The following URB1 variants were observed in gnomAD, a reference collection of about 807,000 sequenced individuals.
The protein encoded by URB1 is nucleolar pre-ribosomal-associated protein 1.
A neutral mutation model predicts 242.3 loss-of-function variants in URB1; 197 were observed. The observed-to-expected ratio is 0.81, with a 90% CI of 0.72 to 0.91. The LOEUF (loss-of-function observed/expected upper bound fraction) is 0.91, where lower values mean the gene tolerates loss of function less well. URB1 is among the 40% of genes least tolerant of loss of function. The pLI is 0.00. For missense variants in URB1, 2,721 were observed against 2,860.5 expected, an observed-to-expected ratio of 0.95 and a Z score of 1.11; for synonymous variants, 1,153 against 1,201.8, an observed-to-expected ratio of 0.96 and a Z score of 0.84.
chr21:32,352,930 G>A, intron 18 of URB1, 24 bp from the exon 19 acceptor site: 1 of 1,518,192 alleles, frequency 6.6e-7, no homozygotes, highest in Non-Finnish European at 8.9e-7. Flanking sequence ...AGATGCATAT[G>A]GGAAGAGGCT....
At position 32,360,992 on chromosome 21, in the gene URB1, G is replaced by A. The variant is rs2033276334; in HGVS notation, c.1756+15C>T. 2.6e-6 allele frequency: 4 copies of A among 1,527,484 alleles called. No homozygotes were observed. In the South Asian group the frequency reaches 5.0e-5, roughly 19 times the overall value. The allele number at this position is 1,527,484 out of a possible 1,614,324, so 94.6% of individuals were successfully genotyped here. A position where few individuals can be genotyped will look rare whatever the true frequency, so the allele number is the denominator to read the frequency against. Reference sequence around the variant, plus strand: ...AGCAACAGTGGCGGCTTGTCTGCAAGACCTTGAAACCCACCTTTCAGGAGC... The same window carrying A: ...AGCAACAGTGGCGGCTTGTCTGCAAAACCTTGAAACCCACCTTTCAGGAGC... On this transcript the variant is annotated intron_variant, in intron 13 of 38. Transcript: ENST00000382751.
chr21:32,337,259 C>T, intron 27 of URB1, 102 bp from the exon 28 acceptor site: 1 of 1,380,832 alleles, frequency 7.2e-7, no homozygotes, highest in Non-Finnish European at 1.0e-6. Context: ...ATGGCCCGGT[C>T]CTCATATCTT....
intron 37 of URB1, among the ~76,000 whole-genome samples, 166 bp downstream of exon 37, chr21:32,317,510 C>CA (rs933204822): frequency 1.7e-4 from 26 of 152,322 alleles, no homozygotes; most frequent in Admixed American, 9.1e-4. Context: ...GGCTGAAACT[C>CA]AAAGGCTGCC....
intron 7 of URB1, among the ~76,000 whole-genome samples, chr21:32,372,980 T>A (rs1479286190): frequency 6.6e-6 from 1 of 152,180 alleles, no homozygotes; most frequent in African/African-American, 2.4e-5. Flanking sequence ...CAAGAGGACC[T>A]GGGCAAGTCT....
chr21:32,372,623 G>A lies in URB1; in HGVS notation c.885C>T (p.Ala295=), dbSNP rs775313960. 1.0e-5 allele frequency: 16 copies of A among 1,548,978 alleles called. No individual in the cohort carries two copies. In the South Asian group the frequency reaches 1.2e-4, roughly 12 times the overall value. ...DVNPENVKVS[A]EEAGKTMVRE... Reference sequence around the variant, plus strand: ...GCACCATGGTTTTCCCTGCTTCTTCGGCAGAAACCTATGAAGATTTTTTAA... The same window carrying A: ...GCACCATGGTTTTCCCTGCTTCTTCAGCAGAAACCTATGAAGATTTTTTAA... The change falls in exon 8 of 39, where the codon GCC becomes GCT. Residue 295 remains alanine, a synonymous_variant. Coordinates refer to ENST00000382751, the MANE Select transcript of URB1 (RefSeq NM_014825.3).
At chr21:32,382,968 A>G (rs573580864) in intron 4 of URB1, among the ~76,000 whole-genome samples, 3 of 152,318 alleles carry the variant, frequency 2.0e-5, no homozygotes, top group African/African-American at 7.2e-5. Flanking sequence ...GGCAAAAGTC[A>G]CTTATTAAAA....
At chr21:32,340,950 C>T (rs1015321865) in intron 25 of URB1, among the ~76,000 whole-genome samples, 4 of 151,412 alleles carry the variant, frequency 2.6e-5, no homozygotes, top group Non-Finnish European at 5.9e-5. Context: ...AGTATCAGTA[C>T]GGGTAAATTA....
Position 32,344,585 on chromosome 21 carries a change from T to C in URB1, c.4242A>G (p.Arg1414=). 6.4e-7 allele frequency: 1 copy of C among 1,552,328 alleles called. No homozygotes were observed. The highest frequency in any genetic ancestry group is 1.4e-5 in the African/African-American group (1 of 73,178). ...AGACACTTACCAACAACGCATTTAA[T>C]CTAAGCAGCATTTCCTTCTCCTGAT... ...TQNQEKEMLL[R]LNALLHALNE... is the part of the protein sequence containing the mutation. The change falls in exon 24 of 39, where the codon AGA becomes AGG. Residue 1414 remains arginine (R), a synonymous_variant. Coordinates refer to ENST00000382751, the MANE Select transcript of URB1 (RefSeq NM_014825.3).
At position 32,311,947 on chromosome 21, in the gene URB1, A is replaced by G; in HGVS notation, c.*2971T>C. On this transcript the variant is annotated 3_prime_UTR_variant, in exon 39 of 39. Coordinates refer to ENST00000382751, the MANE Select transcript of URB1 (RefSeq NM_014825.3). The stretch of plus-strand genomic sequence containing the variant: ...AATGGGGGTCCCCTCGTCAGGAGCA[A>G]GCCCAGCGAGCCTCCCCCTGGAGAC... 1 of 1,613,536 alleles carries G rather than the reference A, an allele frequency of 6.2e-7. No homozygotes were observed. Among genetic ancestry groups the G allele is most frequent in the Non-Finnish European group, 8.5e-7 (1 of 1,180,034 alleles).
intron 35 of URB1, among the ~76,000 whole-genome samples, chr21:32,319,989 TCAGA>T (rs2032745010): frequency 6.6e-6 from 1 of 152,180 alleles, no homozygotes; most frequent in Non-Finnish European, 1.5e-5. Flanking sequence ...CTTCATCTTT[TCAGA>T]CAGTCTCAAA....
chr21:32,378,794 G>A (rs2123619389), intron 4 of URB1, among the ~76,000 whole-genome samples: 1 of 152,214 alleles, frequency 6.6e-6, no homozygotes, highest in Admixed American at 6.5e-5. Flanking sequence ...CAATACAAAA[G>A]TATGGGTAAA....
intron 32 of URB1, among the ~76,000 whole-genome samples, chr21:32,323,048 A>T (rs2032786817): frequency 6.6e-6 from 1 of 152,052 alleles, no homozygotes; most frequent in Non-Finnish European, 1.5e-5. Context: ...GGCAACGGAC[A>T]CCCTAGCTCC....
chr21:32,322,828 C>A (rs1184318168), intron 32 of URB1, among the ~76,000 whole-genome samples: 1 of 152,214 alleles, frequency 6.6e-6, no homozygotes, highest in African/African-American at 2.4e-5. Flanking sequence ...CTTCAGGGAC[C>A]TCGCACCCTC....
intron 28 of URB1, among the ~76,000 whole-genome samples, chr21:32,334,667 T>C (rs1035284637): frequency 6.6e-6 from 1 of 152,100 alleles, no homozygotes; most frequent in African/African-American, 2.4e-5. Context: ...CTTGTGCAAA[T>C]GGGGGAAAGA....
chr21:32,390,830 C>G (rs2033629779), intron 1 of URB1, among the ~76,000 whole-genome samples: 1 of 152,120 alleles, frequency 6.6e-6, no homozygotes, highest in African/African-American at 2.4e-5. Flanking sequence ...GGATCTAGAA[C>G]TAGAAATACC....
rs960161243 is a variant in URB1, at chr21:32,312,232, T to C, written c.*2686A>G. On this transcript the variant is annotated 3_prime_UTR_variant, in exon 39 of 39. Transcript: ENST00000382751. ...GAGCACACCTAGCCTGCTTGCTTAC[T>C]GCTTATATTTGCTCAGGGAAGAGTA... 1.4e-6 allele frequency: 2 copies of C among 1,433,622 alleles called. No individual in the cohort carries two copies. The highest frequency in any genetic ancestry group is 2.9e-5 in the African/African-American group (2 of 69,804). 88.8% of individuals were successfully genotyped at this position (1,433,622 alleles called of 1,614,324 possible). A position where few individuals can be genotyped will look rare whatever the true frequency, so the allele number is the denominator to read the frequency against.
At chr21:32,315,165 G>T in intron 38 of URB1, 66 bp from the exon 39 acceptor site, 1 of 1,413,234 alleles carries the variant, frequency 7.1e-7, no homozygotes. Context: ...AGGTCATCCT[G>T]CCCACAATGC....
intron 10 of URB1, among the ~76,000 whole-genome samples, chr21:32,365,121 T>C (rs369769581): frequency 1.3e-5 from 2 of 152,116 alleles, no homozygotes; most frequent in African/African-American, 4.8e-5. Context: ...AGGAGCAAGC[T>C]TGGAAGGGAG....
chr21:32,338,405 C>A (rs568924819), intron 26 of URB1, among the ~76,000 whole-genome samples: 1 of 152,234 alleles, frequency 6.6e-6, no homozygotes, highest in African/African-American at 2.4e-5. Context: ...TTTTCCCACG[C>A]GTGACTTCCC....
Sources: gnomAD v4.1 joint callset for allele counts (sites outside exome capture counted in the v4.1 genomes callset) on GRCh38, gnomAD v4.1.1 for gene constraint, MANE v1.5 for transcripts, NCBI Gene and HGNC (gene_info 2026-07-23, HGNC 2026-07-21) for gene names.